The following DDIAS variants were observed in gnomAD, a reference collection of about 807,000 sequenced individuals.
DDIAS encodes DNA damage-induced apoptosis suppressor protein.
In DDIAS, 14 loss-of-function variants were observed where a neutral mutation model predicts 15.7. The ratio of observed to expected loss-of-function variants is 0.89; its 90% CI spans 0.59 to 1.39. The LOEUF (loss-of-function observed/expected upper bound fraction) is 1.39, where lower values mean the gene tolerates loss of function less well. DDIAS is among the 40% of genes most tolerant of loss of function. The pLI is 0.00. For synonymous variants in DDIAS, 355 were observed against 395.9 expected (o/e 0.90, Z 1.23); for missense variants, 1,035 against 1,130.9 (o/e 0.92, Z 1.22).
intron 1 of DDIAS, among the ~76,000 whole-genome samples, chr11:82,911,233 G>C (rs1472585269): frequency 1.3e-5 from 2 of 152,114 alleles, no homozygotes; most frequent in Admixed American, 6.5e-5. Context: ...TTGCTGCATT[G>C]ATTATTCCTT....
At position 82,933,749 on chromosome 11, in the gene DDIAS, A is replaced by G; in HGVS notation, c.2411A>G (p.Asn804Ser). ...GTATTTTATTCAGATCTTGATGGTA[A>G]CTATGAAAAAATAAGGATTTTCCCT... ...KPVFYSDLDG[N>S]YEKIRIFPEN... The change falls in exon 6 of 6, where the codon AAC (asparagine) becomes AGC (serine). Residue 804 changes from asparagine to serine, a missense_variant. Transcript: ENST00000533655. The G allele has an allele frequency of 6.2e-7, 1 of 1,611,082 alleles. No homozygotes were observed. The highest frequency in any genetic ancestry group is 8.5e-7 in the Non-Finnish European group (1 of 1,179,332).
At chr11:82,918,616 A>T (rs939250590) in intron 3 of DDIAS, among the ~76,000 whole-genome samples, 1 of 152,204 alleles carries the variant, frequency 6.6e-6, no homozygotes, top group African/African-American at 2.4e-5. Flanking sequence ...TCTGTGAAGA[A>T]TGATGGTGGT....
At chr11:82,921,521 G>T (rs1282720261) in intron 3 of DDIAS, among the ~76,000 whole-genome samples, 1 of 149,620 alleles carries the variant, frequency 6.7e-6, no homozygotes, top group African/African-American at 2.5e-5. Context: ...TGTGTTTCCA[G>T]GATTTGTTTC....
At chr11:82,915,963 G>A (rs1307200430) in intron 3 of DDIAS, among the ~76,000 whole-genome samples, 1 of 152,106 alleles carries the variant, frequency 6.6e-6, no homozygotes, top group South Asian at 2.1e-4. Context: ...TCTCATCAAC[G>A]TTATAATGAT....
At chr11:82,919,793 G>A (rs923047269) in intron 3 of DDIAS, among the ~76,000 whole-genome samples, 1 of 152,114 alleles carries the variant, frequency 6.6e-6, no homozygotes, top group Admixed American at 6.5e-5. Flanking sequence ...GTGCAGTGGC[G>A]TGATCTCAGC....
chr11:82,930,637 A>G (rs1444583739), intron 5 of DDIAS, among the ~76,000 whole-genome samples: 2 of 152,180 alleles, frequency 1.3e-5, no homozygotes, highest in African/African-American at 4.8e-5. Flanking sequence ...TGTCTTCTAT[A>G]AAAGAGAATA....
At position 82,933,612 on chromosome 11, in the gene DDIAS, A is replaced by G; in HGVS notation, c.2274A>G (p.Ser758=). 3.1e-6 allele frequency: 5 copies of G among 1,613,840 alleles called. No homozygotes were observed. Among genetic ancestry groups the G allele is most frequent in the Non-Finnish European group, 4.2e-6 (5 of 1,179,878 alleles). The change falls in exon 6 of 6, where the codon TCA becomes TCG. Residue 758 remains serine (S), a synonymous_variant. Coordinates refer to ENST00000533655, the MANE Select transcript of DDIAS (RefSeq NM_145018.4). ...CAACACCTCATTTTCAATCAGATTC[A>G]GAATATAATTTTGAAAATAGTCAAG... ...CSPTPHFQSD[S]EYNFENSQDF...
intron 1 of DDIAS, among the ~76,000 whole-genome samples, chr11:82,907,991 C>T (rs1000901965): frequency 6.6e-6 from 1 of 152,102 alleles, no homozygotes; most frequent in South Asian, 2.1e-4. Flanking sequence ...TAAGCAAAGA[C>T]ATACATAGGA....
intron 3 of DDIAS, among the ~76,000 whole-genome samples, chr11:82,927,401 CAGA>C (rs34200528): frequency 0.24 from 36,258 of 151,930 alleles, 4,682 homozygotes; most frequent in Admixed American, 0.3. Flanking sequence ...CTCAGTATGG[CAGA>C]AGAATAACAG....
chr11:82,932,552 C>T lies in DDIAS; in HGVS notation c.1214C>T (p.Ser405Phe). ...LLRLEETASS[S>F]QDGDPQIWDD... ...AGACTTGAAGAGACAGCCAGCAGTT[C>T]CCAGGATGGTGACCCTCAAATTTGG... is the stretch of plus-strand genomic sequence containing the variant. Residue 405 changes from serine to phenylalanine, a missense_variant, in exon 6 of 6, where the codon TCC (serine) becomes TTC (phenylalanine). Physicochemically the swap from Ser to Phe is radical, Grantham distance 155. Transcript: ENST00000533655. 1 of 1,614,164 alleles carries T rather than the reference C, an allele frequency of 6.2e-7. No homozygotes were observed.
chr11:82,923,318 T>A (rs1860795176), intron 3 of DDIAS, among the ~76,000 whole-genome samples: 1 of 152,222 alleles, frequency 6.6e-6, no homozygotes, highest in Non-Finnish European at 1.5e-5. Flanking sequence ...CCCTTTTTCT[T>A]ACTTGGAATC....
intron 3 of DDIAS, among the ~76,000 whole-genome samples, chr11:82,926,000 A>AT (rs1311889894): frequency 3.6e-4 from 52 of 144,498 alleles, no homozygotes; most frequent in African/African-American, 1.3e-3. Context: ...AAAAAAAAAA[A>AT]TTTTGACTAT....
At chr11:82,930,754 A>AAG (rs1860964564) in intron 5 of DDIAS, among the ~76,000 whole-genome samples, 1 of 150,744 alleles carries the variant, frequency 6.6e-6, no homozygotes, top group African/African-American at 2.4e-5. Context: ...GTTAAAAAAA[A>AAG]AAGAAGTTAC....
chr11:82,917,145 G>T (rs1054078531), intron 3 of DDIAS, among the ~76,000 whole-genome samples: 3 of 115,764 alleles, frequency 2.6e-5, no homozygotes, highest in Admixed American at 1.8e-4. Flanking sequence ...CATAATTTCT[G>T]GTGCTTACCT....
chr11:82,932,616 G>A lies in DDIAS; in HGVS notation c.1278G>A (p.Leu426=). ...LPFSESLNKF[L]AVLESEIAVT... The stretch of plus-strand genomic sequence containing the variant: ...TCTCTGAAAGCCTGAACAAGTTTCT[G>A]GCAGTTCTTGAAAGTGAGATTGCTG... The change falls in exon 6 of 6, where the codon CTG becomes CTA. Residue 426 remains leucine, a synonymous_variant. Coordinates refer to ENST00000533655, the MANE Select transcript of DDIAS (RefSeq NM_145018.4). 1 of 1,614,134 alleles carries A rather than the reference G, an allele frequency of 6.2e-7. No individual in the cohort carries two copies. The highest frequency in any genetic ancestry group is 8.5e-7 in the Non-Finnish European group (1 of 1,180,030).
Position 82,919,360 on chromosome 11 carries a change from A to G in DDIAS, c.113+4509A>G, listed in dbSNP as rs184700345. On this transcript the variant is annotated intron_variant, in intron 3 of 5. Coordinates refer to ENST00000533655, the MANE Select transcript of DDIAS (RefSeq NM_145018.4). The stretch of plus-strand genomic sequence containing the variant: ...CTGCATCCATTGAGATGATCATGTG[A>G]TTTTTGGTTTTAAAATTCTGTTTAT... Among the ~76,000 whole-genome samples the G allele has an allele frequency of 8.6e-5, 13 of 152,034 alleles. 1 individual carries two copies. The highest frequency in any genetic ancestry group is 3.1e-4 in the African/African-American group (13 of 41,392).
chr11:82,910,279 C>CTTTT (rs71063240), intron 1 of DDIAS, among the ~76,000 whole-genome samples: 1 of 129,852 alleles, frequency 7.7e-6, no homozygotes, highest in Non-Finnish European at 1.6e-5. Flanking sequence ...ACAAACCAAC[C>CTTTT]TTTTTTTTTT....
rs1419754579 is a variant in DDIAS, at chr11:82,933,158, G to A, written c.1820G>A (p.Cys607Tyr). 1.9e-6 allele frequency: 3 copies of A among 1,610,276 alleles called. No homozygotes were observed. The highest frequency in any genetic ancestry group is 2.5e-6 in the Non-Finnish European group (3 of 1,179,756). ...AAGTATAATGATGTCTCTGATCTTT[G>A]CAAATTAGAAAATAAACAATATTGT... ...YRKYNDVSDL[C>Y]KLENKQYCRW... is the part of the protein sequence containing the mutation. Residue 607 changes from cysteine (C) to tyrosine (Y), a missense_variant, in exon 6 of 6, where the codon TGC (cysteine) becomes TAC (tyrosine). Transcript: ENST00000533655.
intron 3 of DDIAS, among the ~76,000 whole-genome samples, chr11:82,917,118 T>A (rs936814866): frequency 6.6e-6 from 1 of 151,216 alleles, no homozygotes; most frequent in African/African-American, 2.4e-5. Context: ...GACACAAAAA[T>A]TTTTTAAAAC....
Sources: gnomAD v4.1 joint callset for allele counts (sites outside exome capture counted in the v4.1 genomes callset) on GRCh38, gnomAD v4.1.1 for gene constraint, MANE v1.5 for transcripts, NCBI Gene and HGNC (gene_info 2026-07-23, HGNC 2026-07-21) for gene names.